The following ROBO1 variants were observed in gnomAD, a reference collection of about 807,000 sequenced individuals.
ROBO1 encodes roundabout homolog 1.
A neutral mutation model predicts 195.9 loss-of-function variants in ROBO1; 149 were observed. The observed-to-expected ratio is 0.76, with a 90% confidence interval of 0.67 to 0.87. The LOEUF is 0.87. ROBO1 is among the 40% of genes least tolerant of loss of function. ROBO1 has a pLI of 0.00. For synonymous variants in ROBO1, 816 were observed against 733.2 expected, an observed-to-expected ratio of 1.11 and a Z score of -1.82; for missense variants, 1,933 against 2,068.3, an observed-to-expected ratio of 0.93 and a Z score of 1.27.
intron 3 of ROBO1, among the ~76,000 whole-genome samples, chr3:78,983,522 G>T (rs1283643813): frequency 6.6e-6 from 1 of 152,096 alleles, no homozygotes; most frequent in African/African-American, 2.4e-5. Context: ...GTATTTAAAT[G>T]GCCATAAGAT....
chr3:79,588,285 A>G (rs908992419), intron 2 of ROBO1, among the ~76,000 whole-genome samples: 10 of 151,730 alleles, frequency 6.6e-5, no homozygotes, highest in Admixed American at 4.6e-4. Context: ...TAAAAAGGTA[A>G]CATTTTTTAT....
intron 2 of ROBO1, among the ~76,000 whole-genome samples, chr3:79,414,047 C>T (rs2037893115): frequency 6.6e-6 from 1 of 152,168 alleles, no homozygotes. Flanking sequence ...TTTCCCATTT[C>T]TACTTTATAT....
chr3:79,406,000 A>C (rs912996778), intron 2 of ROBO1, among the ~76,000 whole-genome samples: 1 of 152,166 alleles, frequency 6.6e-6, no homozygotes, highest in African/African-American at 2.4e-5. Flanking sequence ...TTGGAAAAAT[A>C]GCAATGGTAG....
At chr3:78,676,208 A>C (rs937520055) in intron 10 of ROBO1, among the ~76,000 whole-genome samples, 6 of 152,226 alleles carry the variant, frequency 3.9e-5, no homozygotes, top group African/African-American at 1.4e-4. Flanking sequence ...AAAGTAGATA[A>C]AACCAGAAAG....
intron 1 of ROBO1, among the ~76,000 whole-genome samples, chr3:79,739,152 T>G (rs145995640): frequency 1.3e-5 from 2 of 152,268 alleles, no homozygotes; most frequent in East Asian, 3.9e-4. Flanking sequence ...CAAGAAAATG[T>G]AAGATTTTAC....
chr3:78,783,497 A>G (rs1319664294), intron 4 of ROBO1, among the ~76,000 whole-genome samples: 1 of 152,216 alleles, frequency 6.6e-6, no homozygotes, highest in Non-Finnish European at 1.5e-5. Context: ...ATAATGATAA[A>G]TTATTATCAC....
chr3:79,756,375 C>A (rs1160289399), intron 1 of ROBO1, among the ~76,000 whole-genome samples: 2 of 151,902 alleles, frequency 1.3e-5, no homozygotes, highest in Admixed American at 1.3e-4. Context: ...CAAGGTGAAA[C>A]CCTGTCTCTA....
chr3:79,625,422 T>TAAAAAAAAAAAAAAAAAA (rs1945136215), intron 1 of ROBO1, among the ~76,000 whole-genome samples: 3 of 3,978 alleles, frequency 7.5e-4, no homozygotes, highest in Non-Finnish European at 8.9e-4. Context: ...CTGTTTTTTT[T>TAAAAAAAAAAAAAAAAAA]GAAAAAAAAA....
rs564619829 is a variant in ROBO1, at chr3:79,292,020, TAAGAA to T, written c.89-166486_89-166482del. Among the ~76,000 whole-genome samples the T allele has an allele frequency of 2.2e-4, 33 of 152,308 alleles. No individual in the cohort carries two copies. In the South Asian group the frequency reaches 6.4e-3, roughly 30 times the overall value. On this transcript the variant is annotated intron_variant, in intron 2 of 30. Coordinates refer to ENST00000464233, the MANE Select transcript of ROBO1 (RefSeq NM_002941.4). ...TAAATTGAAATTCAAAATTGAAACA[TAAGAA>T]AATAGTTCAGATAATTTGAACTGAA...
chr3:78,806,680 A>G (rs920023986), intron 4 of ROBO1, among the ~76,000 whole-genome samples: 2 of 152,184 alleles, frequency 1.3e-5, no homozygotes, highest in Non-Finnish European at 2.9e-5. Context: ...AGGTAAGTTA[A>G]GCGGGTAAGT....
rs535379925 is a variant in ROBO1 at position 78,598,111 on chromosome 3, A to G, written c.*802T>C. ...TCTTACTCAATTGGTCATTAAAAACATCCACTTGTTTGTAATACGTATTTA... is the reference window on the plus strand; with the variant it reads ...TCTTACTCAATTGGTCATTAAAAACGTCCACTTGTTTGTAATACGTATTTA... On this transcript the variant is annotated 3_prime_UTR_variant, in exon 31 of 31. Transcript: ENST00000464233. 6.6e-6 allele frequency: 1 copy of G among 152,642 alleles called. No homozygotes were observed. Among genetic ancestry groups the G allele is most frequent in the Admixed American group, 6.5e-5 (1 of 15,274 alleles). The allele number at this position is 152,642 out of a possible 1,614,324, so 9.5% of individuals were successfully genotyped here.
At chr3:79,134,139 C>T (rs1172102143) in intron 2 of ROBO1, among the ~76,000 whole-genome samples, 2 of 145,306 alleles carry the variant, frequency 1.4e-5, no homozygotes, top group Admixed American at 7.0e-5. Context: ...ACCTACTCAT[C>T]TGACAAAGGG....
chr3:79,680,766 A>G (rs1946922012), intron 1 of ROBO1, among the ~76,000 whole-genome samples: 1 of 152,042 alleles, frequency 6.6e-6, no homozygotes, highest in South Asian at 2.1e-4. Context: ...CATAGAAAAC[A>G]ACCTAGATAA....
At chr3:78,805,537 A>T (rs1427838872) in intron 4 of ROBO1, among the ~76,000 whole-genome samples, 1 of 152,074 alleles carries the variant, frequency 6.6e-6, no homozygotes, top group Non-Finnish European at 1.5e-5. Flanking sequence ...TCACAATAGT[A>T]TCCAAATATA....
At chr3:79,297,484 G>T (rs566622680) in intron 2 of ROBO1, among the ~76,000 whole-genome samples, 1 of 152,134 alleles carries the variant, frequency 6.6e-6, no homozygotes, top group African/African-American at 2.4e-5. Context: ...ATCATGGTAT[G>T]TAACCAGATC....
intron 4 of ROBO1, among the ~76,000 whole-genome samples, chr3:78,881,590 G>T (rs1178979786): frequency 1.3e-5 from 2 of 152,068 alleles, no homozygotes; most frequent in Non-Finnish European, 2.9e-5. Context: ...TAACTATGAT[G>T]AGCTAATTTC....
chr3:79,100,311 TG>T (rs1251060110), intron 3 of ROBO1, among the ~76,000 whole-genome samples: 2 of 151,874 alleles, frequency 1.3e-5, no homozygotes. Flanking sequence ...CTCTCTTTCA[TG>T]GAGAAGTAGT....
intron 2 of ROBO1, among the ~76,000 whole-genome samples, chr3:79,316,471 A>G (rs1233608030): frequency 1.3e-5 from 2 of 152,178 alleles, no homozygotes; most frequent in Non-Finnish European, 2.9e-5. Flanking sequence ...GAACATTAAA[A>G]TTTCATCTTT....
chr3:79,506,103 AAG>A (rs1172536295), intron 2 of ROBO1, among the ~76,000 whole-genome samples: 1 of 152,080 alleles, frequency 6.6e-6, no homozygotes, highest in Admixed American at 6.5e-5. Flanking sequence ...ATTAAATTGA[AAG>A]AGAGATCACA....
Sources: gnomAD v4.1 joint callset for allele counts (sites outside exome capture counted in the v4.1 genomes callset) on GRCh38, gnomAD v4.1.1 for gene constraint, MANE v1.5 for transcripts, NCBI Gene and HGNC (gene_info 2026-07-23, HGNC 2026-07-21) for gene names.